Variants in TSC1 observed in about 807,000 individuals in gnomAD.
TSC1 encodes the protein TSC complex subunit 1.
Under a neutral mutation model 124.3 loss-of-function variants are expected in TSC1, and 20 were observed. The ratio of observed to expected loss-of-function variants is 0.16; its 90% CI spans 0.11 to 0.23. The LOEUF (loss-of-function observed/expected upper bound fraction) is 0.23, where lower values mean the gene tolerates loss of function less well. TSC1 is among the 10% of genes least tolerant of loss of function. The pLI is 1.00. For synonymous variants in TSC1, 493 were observed against 539.1 expected (o/e 0.91, Z 1.19); for missense variants, 1,124 against 1,448.5 (o/e 0.78, Z 3.64).
chr9:132,917,288 T>G (rs1292855905), intron 8 of TSC1, among the ~76,000 whole-genome samples: 1 of 152,104 alleles, frequency 6.6e-6, no homozygotes, highest in African/African-American at 2.4e-5. Flanking sequence ...ATTTTTTTTT[T>G]GTTGTATTAT....
chr9:132,914,632 G>A (rs1846168973), intron 8 of TSC1, among the ~76,000 whole-genome samples: 1 of 151,326 alleles, frequency 6.6e-6, no homozygotes, highest in Admixed American at 6.6e-5. Flanking sequence ...GCCAAGGCAG[G>A]CGGATTACTT....
At chr9:132,927,436 G>T in intron 3 of TSC1, 132 bp from the exon 4 acceptor site, 1 of 764,158 alleles carries the variant, frequency 1.3e-6, no homozygotes, top group East Asian at 2.9e-5. Flanking sequence ...CAGCATTACA[G>T]TTCTGCCTTC....
chr9:132,912,639 C>A, intron 8 of TSC1, 182 bp from the exon 9 acceptor site: 2 of 655,204 alleles, frequency 3.1e-6, no homozygotes, highest in East Asian at 2.7e-5. Flanking sequence ...CAATCCTATA[C>A]CTTCCCTGTT....
intron 2 of TSC1, chr9:132,934,342 A>T (rs1847350591): frequency 1.3e-5 from 2 of 152,374 alleles, no homozygotes; most frequent in South Asian, 4.1e-4. Context: ...CTCAACATTT[A>T]TGAAGGATAT....
At chr9:132,907,677 A>G (rs1211670717) in intron 12 of TSC1, among the ~76,000 whole-genome samples, 1 of 152,170 alleles carries the variant, frequency 6.6e-6, no homozygotes, top group Non-Finnish European at 1.5e-5. Flanking sequence ...TTTAGTACAG[A>G]CGGGGTTTCT....
Position 132,912,466 on chromosome 9 carries a change from T to C in TSC1, c.738-9A>G, listed in dbSNP as rs1846021685. 6.2e-7 allele frequency: 1 copy of C among 1,614,036 alleles called. No individual in the cohort carries two copies. The highest frequency in any genetic ancestry group is 1.7e-5 in the Admixed American group (1 of 60,006). ...TTTCTAATCTCTTCCACCTGTAAAATGCAATGAAAGTCAAGAAATGCAAAC... is the reference window on the plus strand; with the variant it reads ...TTTCTAATCTCTTCCACCTGTAAAACGCAATGAAAGTCAAGAAATGCAAAC... On this transcript the variant is annotated splice_polypyrimidine_tract_variant and intron_variant, in intron 8 of 22. Transcript: ENST00000298552.
At chr9:132,929,260 C>T (rs1287360610) in intron 2 of TSC1, among the ~76,000 whole-genome samples, 1 of 152,216 alleles carries the variant, frequency 6.6e-6, no homozygotes. Flanking sequence ...TCTGATTCTA[C>T]CTTGGGTTTT....
Position 132,944,576 on chromosome 9 carries a change from C to T in TSC1, c.-177G>A, listed in dbSNP as rs1010488177. ...TCCTCCCCCTCAGCTGTTTACCTCA[C>T]AGTCCCTCCAGCCTACAGGGCGCCG... is the stretch of plus-strand genomic sequence containing the variant. On this transcript the variant is annotated 5_prime_UTR_variant, in exon 1 of 23. It adds an upstream start codon to the 5' untranslated region. Transcript: ENST00000298552. The T allele has an allele frequency of 5.5e-5, 22 of 398,778 alleles. No homozygotes were observed. Among genetic ancestry groups the T allele is most frequent in the African/African-American group, 4.5e-4 (22 of 48,638 alleles). The allele number at this position is 398,778 out of a possible 1,614,324, so 24.7% of individuals were successfully genotyped here.
Position 132,933,064 on chromosome 9 carries a change from T to C in TSC1, c.-81+1969A>G, listed in dbSNP as rs574963495. 2.2e-4 allele frequency among the ~76,000 whole-genome samples: 34 copies of C among 152,190 alleles called. 1 individual carries two copies. The highest frequency in any genetic ancestry group is 7.7e-4 in the African/African-American group (32 of 41,510). ...GGTGGCTGTCTGGCTTTGGCTTTGGTGTTTTGTTTGTTTTTAATTGAGACA... is the reference window on the plus strand; with the variant it reads ...GGTGGCTGTCTGGCTTTGGCTTTGGCGTTTTGTTTGTTTTTAATTGAGACA... On this transcript the variant is annotated intron_variant, in intron 2 of 22. Coordinates refer to ENST00000298552, the MANE Select transcript of TSC1 (RefSeq NM_000368.5).
At chr9:132,919,828 A>G (rs1473245191) in intron 8 of TSC1, among the ~76,000 whole-genome samples, 1 of 152,160 alleles carries the variant, frequency 6.6e-6, no homozygotes, top group Non-Finnish European at 1.5e-5. Flanking sequence ...GCTGTCCTGC[A>G]CTATCTTTTT....
At position 132,906,725 on chromosome 9, in the gene TSC1, C is replaced by T. The variant is rs118203530; in HGVS notation, c.1438+6G>A. On this transcript the variant is annotated splice_donor_region_variant and intron_variant, in intron 14 of 22. Transcript: ENST00000298552. The surrounding 1 kb of genome is among the most constrained non-coding windows in gnomAD (Gnocchi z 4.1). ...TATCAACTCATAGCAATCCCACATACATTACCTTCTTCTTTATCTTTTTCA... is the reference window on the plus strand; with the variant it reads ...TATCAACTCATAGCAATCCCACATATATTACCTTCTTCTTTATCTTTTTCA... 1.5e-4 allele frequency: 243 copies of T among 1,611,274 alleles called. No homozygotes were observed. The highest frequency in any genetic ancestry group is 2.0e-4 in the Non-Finnish European group (236 of 1,177,978).
Position 132,896,222 on chromosome 9 carries a change from T to G in TSC1, c.*13A>C, listed in dbSNP as rs1268903483. The G allele has an allele frequency of 6.2e-7, 1 of 1,614,226 alleles. No individual in the cohort carries two copies. Among genetic ancestry groups the G allele is most frequent in the Admixed American group, 1.7e-5 (1 of 60,032 alleles). ...CAACAATATGCAAGTTAACACTGAT[T>G]GACCATCATTCCTTAGCTGTGTTCA... On this transcript the variant is annotated 3_prime_UTR_variant, in exon 23 of 23. Transcript: ENST00000298552. The surrounding 1 kb of genome is among the most constrained non-coding windows in gnomAD (Gnocchi z 4.5).
At chr9:132,924,867 G>T (rs1386818651) in intron 5 of TSC1, 6 of 152,232 alleles carry the variant, frequency 3.9e-5, no homozygotes, top group Non-Finnish European at 8.8e-5. Context: ...AAATCAATTT[G>T]CATGGTGCTG....
At position 132,896,175 on chromosome 9, in the gene TSC1, A is replaced by C. The variant is rs577329896; in HGVS notation, c.*60T>G. 287 of 1,610,864 alleles carry C rather than the reference A, an allele frequency of 1.8e-4. No individual in the cohort carries two copies. Among genetic ancestry groups the C allele is most frequent in the Non-Finnish European group, 2.1e-4 (251 of 1,177,936 alleles). ...GAAACAGGAAAGCTTTGAAACGTGC[A>C]TTCACACCTCCTGTTCTGTGCCAAC... On this transcript the variant is annotated 3_prime_UTR_variant, in exon 23 of 23. Transcript: ENST00000298552. This position sits in a 1 kb window ranked among gnomAD's most constrained non-coding sequence, Gnocchi z 4.5.
intron 8 of TSC1, among the ~76,000 whole-genome samples, chr9:132,913,313 T>G (rs568166467): frequency 6.6e-6 from 1 of 152,340 alleles, no homozygotes; most frequent in Non-Finnish European, 1.5e-5. Context: ...TTGCTAAGTT[T>G]TGACAAAAGT....
At position 132,902,893 on chromosome 9, in the gene TSC1, G is replaced by GTT. The variant is rs1169572908; in HGVS notation, c.2209-107_2209-106insAA. The GTT allele has an allele frequency of 2.8e-6, 4 of 1,432,976 alleles. No individual in the cohort carries two copies. Among genetic ancestry groups the GTT allele is most frequent in the Non-Finnish European group, 3.9e-6 (4 of 1,027,408 alleles). The allele number at this position is 1,432,976 out of a possible 1,614,324, so 88.8% of individuals were successfully genotyped here. Reference sequence around the variant, plus strand: ...AATAGTCATAAGCTACCCTGAAAATGTAACTAACTACAGACCAAAACTCTT... The same window carrying GTT: ...AATAGTCATAAGCTACCCTGAAAATGTTTAACTAACTACAGACCAAAACTCTT... On this transcript the variant is annotated intron_variant, in intron 17 of 22. Transcript: ENST00000298552. This position sits in a 1 kb window ranked among gnomAD's most constrained non-coding sequence, Gnocchi z 5.2.
chr9:132,929,548 A>G (rs1564505768), intron 2 of TSC1, among the ~76,000 whole-genome samples: 1 of 152,206 alleles, frequency 6.6e-6, no homozygotes, highest in Non-Finnish European at 1.5e-5. Context: ...TCATCAGGGC[A>G]AATCTTCAAA....
upstream of TSC1, chr9:132,944,852 G>T (rs1588396129): frequency 5.4e-6 from 2 of 370,556 alleles, no homozygotes; most frequent in Non-Finnish European, 9.6e-6. Context: ...CCGAAAGGAG[G>T]CTGCGAAGAG....
chr9:132,897,169 G>A lies in TSC1; in HGVS notation c.2975+15C>T, dbSNP rs1396397844. ...AGCTTAGTCCCAAGGTCATGAATCA[G>A]TTCTTTGTTCCTACCTTTCTTCTGC... On this transcript the variant is annotated intron_variant, in intron 22 of 22. Coordinates refer to ENST00000298552, the MANE Select transcript of TSC1 (RefSeq NM_000368.5). 1.9e-6 allele frequency: 3 copies of A among 1,613,828 alleles called. No homozygotes were observed. The highest frequency in any genetic ancestry group is 1.3e-5 in the African/African-American group (1 of 74,950).
Sources: allele counts gnomAD v4.1 joint callset (sites outside exome capture counted in the v4.1 genomes callset), GRCh38; gene constraint gnomAD v4.1.1; non-coding constraint Gnocchi (gnomAD v3.1); transcripts MANE v1.5; gene names NCBI Gene and HGNC (gene_info 2026-07-23, HGNC 2026-07-21).